The following NIBAN1 variants were observed in gnomAD, a reference collection of about 807,000 sequenced individuals.
NIBAN1 encodes niban apoptosis regulator 1, also known as protein Niban 1.
NIBAN1 carries 81 observed loss-of-function variants against 75.1 expected under a neutral mutation model. The observed-to-expected ratio is 1.08, with a 90% CI of 0.90 to 1.30. The LOEUF (loss-of-function observed/expected upper bound fraction) is 1.30, where lower values mean the gene tolerates loss of function less well. NIBAN1 is among the 50% of genes most tolerant of loss of function. The probability of loss-of-function intolerance (pLI) is 0.00; values close to 1 mark genes in which losing one functional copy is unlikely to be tolerated. For missense variants in NIBAN1, 1,133 were observed against 1,128.1 expected, an observed-to-expected ratio of 1.00 and a Z score of -0.06; for synonymous variants, 436 against 424.8, an observed-to-expected ratio of 1.03 and a Z score of -0.32.
chr1:184,880,874 T>C (rs1160094640), intron 5 of NIBAN1, among the ~76,000 whole-genome samples: 2 of 152,170 alleles, frequency 1.3e-5, no homozygotes, highest in African/African-American at 4.8e-5. Context: ...AACCACAGCC[T>C]TCCCTGATCA....
chr1:184,796,972 A>G (rs1286219014), intron 13 of NIBAN1, among the ~76,000 whole-genome samples: 1 of 152,174 alleles, frequency 6.6e-6, no homozygotes, highest in Non-Finnish European at 1.5e-5. Context: ...CTGTGCTGAC[A>G]TCTTCATATT....
At chr1:184,859,994 C>T (rs751838330) in intron 5 of NIBAN1, among the ~76,000 whole-genome samples, 1 of 152,062 alleles carries the variant, frequency 6.6e-6, no homozygotes, top group Non-Finnish European at 1.5e-5. Context: ...CTTCAGGGAA[C>T]GAAGGACTGT....
intron 12 of NIBAN1, 112 bp from the exon 13 acceptor site, chr1:184,798,302 G>C (rs1653933633): frequency 1.6e-6 from 1 of 624,448 alleles, no homozygotes; most frequent in Non-Finnish European, 2.7e-6. Context: ...GAGGGCATAA[G>C]AGAAGGACCA....
At chr1:184,903,824 C>T (rs1308566356) in intron 1 of NIBAN1, among the ~76,000 whole-genome samples, 1 of 145,546 alleles carries the variant, frequency 6.9e-6, no homozygotes, top group Non-Finnish European at 1.5e-5. Flanking sequence ...GCAGCCTTGA[C>T]CTCCCAGTCT....
At chr1:184,903,901 A>T (rs1557907943) in intron 1 of NIBAN1, among the ~76,000 whole-genome samples, 1 of 137,928 alleles carries the variant, frequency 7.3e-6, no homozygotes, top group South Asian at 2.3e-4. Flanking sequence ...CACACTTATT[A>T]TTTTTTTTTT....
At position 184,829,461 on chromosome 1, in the gene NIBAN1, A is replaced by ACTCTTTTTTTTTTT. The variant is rs1389813381; in HGVS notation, c.717+2385_717+2386insAAAAAAAAAAAGAG. On this transcript the variant is annotated intron_variant, in intron 6 of 13. Transcript: ENST00000367511. ...CAGAAAGGATTTATTAAATACATAT[A>ACTCTTTTTTTTTTT]TTCTTTTTTTTTTTTTTTTTTTTGA... is the stretch of plus-strand genomic sequence containing the variant. Among the ~76,000 whole-genome samples, 2 of 84,022 alleles carry ACTCTTTTTTTTTTT rather than the reference A, an allele frequency of 2.4e-5. 1 individual carries two copies. The highest frequency in any genetic ancestry group is 5.5e-5 in the Non-Finnish European group (2 of 36,512). The allele number at this position is 84,022 out of a possible 152,430, so 55.1% of individuals were successfully genotyped here. A position where few individuals can be genotyped will look rare whatever the true frequency, so the allele number is the denominator to read the frequency against.
intron 9 of NIBAN1, among the ~76,000 whole-genome samples, chr1:184,813,779 CA>C (rs745958295): frequency 5.3e-5 from 8 of 152,188 alleles, no homozygotes; most frequent in Admixed American, 2.0e-4. Context: ...TTTCACTGTA[CA>C]GCTTGCTGGC....
Position 184,794,770 on chromosome 1 carries a change from C to T in NIBAN1, c.*207G>A. ...TGTCTTTGTAATTCTTATTAAAATA[C>T]TAAAGCAAAAATTCATCGTAGAACA... On this transcript the variant is annotated 3_prime_UTR_variant, in exon 14 of 14. Transcript: ENST00000367511. 1.5e-6 allele frequency: 1 copy of T among 661,378 alleles called. No individual in the cohort carries two copies. Among genetic ancestry groups the T allele is most frequent in the East Asian group, 2.8e-5 (1 of 36,048 alleles). 41.0% of individuals were successfully genotyped at this position (661,378 alleles called of 1,614,324 possible).
At chr1:184,969,462 C>T (rs1288320142) in intron 1 of NIBAN1, among the ~76,000 whole-genome samples, 1 of 152,140 alleles carries the variant, frequency 6.6e-6, no homozygotes, top group Non-Finnish European at 1.5e-5. Context: ...AGAAGAAGTG[C>T]CCTTCACTTT....
intron 5 of NIBAN1, among the ~76,000 whole-genome samples, chr1:184,841,029 GAGTT>G (rs1429196036): frequency 6.6e-6 from 1 of 151,942 alleles, no homozygotes; most frequent in Non-Finnish European, 1.5e-5. Context: ...ATGAGACACT[GAGTT>G]AGGCTCTGAG....
intron 12 of NIBAN1, 127 bp downstream of exon 12, chr1:184,803,458 A>G (rs1262301684): frequency 2.9e-6 from 2 of 686,114 alleles, no homozygotes; most frequent in Non-Finnish European, 5.1e-6. Context: ...CTATCTGACC[A>G]TTTACAAAAA....
At position 184,823,582 on chromosome 1, in the gene NIBAN1, G is replaced by A. The variant is rs1208295397; in HGVS notation, c.822+56C>T. The A allele has an allele frequency of 2.5e-6, 4 of 1,571,660 alleles. No individual in the cohort carries two copies. The African/African-American group carries it at 5.4e-5, about 21-fold the overall frequency. On this transcript the variant is annotated intron_variant, in intron 7 of 13. Transcript: ENST00000367511. Reference sequence around the variant, plus strand: ...AACAACAAATGCCCTAAAAGAAAAGGGAAGAGAATGTTCCCATTTTGAGTA... The same window carrying A: ...AACAACAAATGCCCTAAAAGAAAAGAGAAGAGAATGTTCCCATTTTGAGTA...
chr1:184,895,631 G>A (rs1406868910), intron 2 of NIBAN1, among the ~76,000 whole-genome samples: 4 of 151,920 alleles, frequency 2.6e-5, no homozygotes, highest in African/African-American at 9.7e-5. Context: ...GTAACGGTGG[G>A]GACTGGGCTC....
chr1:184,903,089 C>A (rs1015740602), intron 1 of NIBAN1, among the ~76,000 whole-genome samples: 1 of 152,176 alleles, frequency 6.6e-6, no homozygotes. Flanking sequence ...CCTTTCATAT[C>A]CCTGTCACCA....
chr1:184,823,837 C>T, intron 6 of NIBAN1, 95 bp from the exon 7 acceptor site: 1 of 998,470 alleles, frequency 1.0e-6, no homozygotes, highest in Non-Finnish European at 1.6e-6. Context: ...CTGTCCCTGT[C>T]CCGGACCAGA....
rs186466564 is a variant in NIBAN1, at chr1:184,856,136, A to G, written c.602-24174T>C. ...TAAATGCTGAATCCACAAGTCTAGA[A>G]TGTTCAATCATGTTCACCCACTTCT... On this transcript the variant is annotated intron_variant, in intron 5 of 13. Transcript: ENST00000367511. Among the ~76,000 whole-genome samples the G allele has an allele frequency of 3.9e-5, 6 of 152,332 alleles. No individual in the cohort carries two copies. The East Asian group carries it at 1.2e-3, about 29-fold the overall frequency.
At chr1:184,970,393 A>T (rs1028142279) in intron 1 of NIBAN1, among the ~76,000 whole-genome samples, 7 of 152,170 alleles carry the variant, frequency 4.6e-5, no homozygotes, top group African/African-American at 1.7e-4. Context: ...AAATGTGTGG[A>T]CTAGTACGAC....
intron 1 of NIBAN1, among the ~76,000 whole-genome samples, chr1:184,913,055 A>C (rs932267807): frequency 6.6e-6 from 1 of 151,390 alleles, no homozygotes; most frequent in Non-Finnish European, 1.5e-5. Flanking sequence ...TCCCCTATCG[A>C]TGGATACTTG....
At chr1:184,912,676 G>C (rs1455772750) in intron 1 of NIBAN1, among the ~76,000 whole-genome samples, 1 of 152,130 alleles carries the variant, frequency 6.6e-6, no homozygotes, top group Admixed American at 6.5e-5. Context: ...TGACATGTAG[G>C]AATTGTTTAT....
Sources: allele counts gnomAD v4.1 joint callset (sites outside exome capture counted in the v4.1 genomes callset), GRCh38; gene constraint gnomAD v4.1.1; transcripts MANE v1.5; gene names NCBI Gene and HGNC (gene_info 2026-07-23, HGNC 2026-07-21).